The following PANK1 variants were observed in gnomAD, a reference collection of about 807,000 sequenced individuals.
PANK1 encodes pantothenic acid kinase 1.
PANK1 carries 18 observed loss-of-function variants against 40.1 expected under a neutral mutation model. That is an observed-to-expected ratio of 0.45 (90% CI 0.31 to 0.67). The LOEUF (loss-of-function observed/expected upper bound fraction) is 0.67, where lower values mean the gene tolerates loss of function less well. PANK1 is among the 30% of genes least tolerant of loss of function. The probability of loss-of-function intolerance (pLI) is 0.06; values close to 1 mark genes in which losing one functional copy is unlikely to be tolerated. For missense variants in PANK1, 457 were observed against 599.6 expected (o/e 0.76, Z 2.48); for synonymous variants, 242 against 237.7 (o/e 1.02, Z -0.17).
At chr10:89,622,662 C>T (rs1299032037) in intron 1 of PANK1, among the ~76,000 whole-genome samples, 1 of 151,880 alleles carries the variant, frequency 6.6e-6, no homozygotes, top group African/African-American at 2.4e-5. Context: ...GGTGAAACCC[C>T]GTCTCTACTA....
chr10:89,636,543 G>A (rs1040957483), intron 1 of PANK1, among the ~76,000 whole-genome samples: 9 of 151,618 alleles, frequency 5.9e-5, no homozygotes, highest in African/African-American at 1.9e-4. Flanking sequence ...CCTCCACCTC[G>A]TGGGTTCAAG....
At position 89,583,330 on chromosome 10, in the gene PANK1, A is replaced by G. The variant is rs1195371116; in HGVS notation, c.*1076T>C. 4 of 152,224 alleles carry G rather than the reference A, an allele frequency of 2.6e-5. No individual in the cohort carries two copies. Among genetic ancestry groups the G allele is most frequent in the Non-Finnish European group, 5.9e-5 (4 of 68,022 alleles). 9.4% of individuals were successfully genotyped at this position (152,224 alleles called of 1,614,324 possible). A position where few individuals can be genotyped will look rare whatever the true frequency, so the allele number is the denominator to read the frequency against. ...ATTGAAGTACAGTTTTTAGTTTAAAATATTAAAAATGAAAAAACCTTTAAC... is the reference window on the plus strand; with the variant it reads ...ATTGAAGTACAGTTTTTAGTTTAAAGTATTAAAAATGAAAAAACCTTTAAC... On this transcript the variant is annotated 3_prime_UTR_variant, in exon 7 of 7. Coordinates refer to ENST00000307534, the MANE Select transcript of PANK1 (RefSeq NM_148977.3).
chr10:89,590,316 C>T (rs1362900763), intron 5 of PANK1, among the ~76,000 whole-genome samples: 1 of 151,688 alleles, frequency 6.6e-6, no homozygotes, highest in Non-Finnish European at 1.5e-5. Context: ...GTCCAACAAC[C>T]CAATAGAGTA....
intron 3 of PANK1, among the ~76,000 whole-genome samples, chr10:89,594,439 T>G (rs1310191570): frequency 6.6e-6 from 1 of 152,236 alleles, no homozygotes; most frequent in Non-Finnish European, 1.5e-5. Flanking sequence ...ACATAAAGCA[T>G]AGTTCAAAGC....
rs1257811799 is a variant in PANK1, at chr10:89,645,154, G to A, written c.-263C>T. ...CCCGGGCGCGGAATCGGGGATCCCC[G>A]CGCACCCCCAGCCGGGGCTCCCGCC... On this transcript the variant is annotated 5_prime_UTR_variant, in exon 1 of 7. Transcript: ENST00000307534. The A allele has an allele frequency of 1.3e-6, 2 of 1,528,002 alleles. No homozygotes were observed. The highest frequency in any genetic ancestry group is 2.1e-5 in the Admixed American group (1 of 47,494). The allele number at this position is 1,528,002 out of a possible 1,614,324, so 94.7% of individuals were successfully genotyped here.
At chr10:89,635,535 T>C (rs1162743705) in intron 1 of PANK1, among the ~76,000 whole-genome samples, 1 of 152,172 alleles carries the variant, frequency 6.6e-6, no homozygotes, top group Non-Finnish European at 1.5e-5. Context: ...CAACACGTGC[T>C]TTCTGGGGGA....
intron 1 of PANK1, among the ~76,000 whole-genome samples, chr10:89,632,728 T>C (rs1315055055): frequency 6.6e-6 from 1 of 152,226 alleles, no homozygotes; most frequent in African/African-American, 2.4e-5. Flanking sequence ...CTGCTTGGTC[T>C]ACCTGCTGGG....
intron 6 of PANK1, among the ~76,000 whole-genome samples, chr10:89,588,297 C>T (rs543305789): frequency 1.3e-5 from 2 of 152,166 alleles, no homozygotes; most frequent in African/African-American, 2.4e-5. Context: ...GGCATCTCTT[C>T]GACATACTGA....
chr10:89,637,186 G>A (rs1444530701), intron 1 of PANK1, among the ~76,000 whole-genome samples: 1 of 151,946 alleles, frequency 6.6e-6, no homozygotes, highest in Admixed American at 6.6e-5. Context: ...CCACAGGTGG[G>A]GTGAGCAAGA....
chr10:89,635,671 T>C (rs1359624), intron 1 of PANK1, among the ~76,000 whole-genome samples: 48,420 of 152,128 alleles, frequency 0.32, 8,321 homozygotes, highest in East Asian at 0.73. Flanking sequence ...AGAAGTTCAA[T>C]GTACACAGTC....
chr10:89,612,721 A>C (rs1272961422), intron 1 of PANK1, among the ~76,000 whole-genome samples: 1 of 152,274 alleles, frequency 6.6e-6, no homozygotes, highest in Non-Finnish European at 1.5e-5. Flanking sequence ...TTATTTCTGC[A>C]TTAAACAGAG....
intron 2 of PANK1, among the ~76,000 whole-genome samples, chr10:89,601,309 TA>T (rs11317815): frequency 0.34 from 18,057 of 52,490 alleles, 2,208 homozygotes; most frequent in East Asian, 0.4. Context: ...ACCCATCTCT[TA>T]AAAAAAAAAA....
chr10:89,640,665 G>T (rs1320616258), intron 1 of PANK1, among the ~76,000 whole-genome samples: 1 of 152,084 alleles, frequency 6.6e-6, no homozygotes, highest in Non-Finnish European at 1.5e-5. Context: ...CATGATAATT[G>T]GCTCATACTT....
At chr10:89,586,036 C>T (rs777058946) in intron 6 of PANK1, among the ~76,000 whole-genome samples, 1 of 152,188 alleles carries the variant, frequency 6.6e-6, no homozygotes, top group Non-Finnish European at 1.5e-5. Context: ...ATATAGGCGA[C>T]TACATTTTTA....
chr10:89,585,865 C>G (rs920923626), intron 6 of PANK1, among the ~76,000 whole-genome samples: 1 of 152,122 alleles, frequency 6.6e-6, no homozygotes, highest in South Asian at 2.1e-4. Context: ...TAGTAAGGCC[C>G]GCGTAAGCCA....
At chr10:89,630,210 G>C (rs764587173) in intron 1 of PANK1, among the ~76,000 whole-genome samples, 1 of 152,166 alleles carries the variant, frequency 6.6e-6, no homozygotes, top group Non-Finnish European at 1.5e-5. Context: ...TAAGACTTTA[G>C]AGCTACAAAC....
chr10:89,642,607 CCTAATTCCTCTTAGAGTAA>C (rs1486760664), intron 1 of PANK1, among the ~76,000 whole-genome samples: 18 of 152,146 alleles, frequency 1.2e-4, no homozygotes, highest in Non-Finnish European at 1.0e-4. Context: ...TCTTAGAGTA[CCTAATTCCTCTTAGAGTAA>C]CTAAATATCA....
At chr10:89,599,012 G>A (rs1844694669) in intron 3 of PANK1, 2 of 441,360 alleles carry the variant, frequency 4.5e-6, no homozygotes, top group Non-Finnish European at 8.0e-6. Context: ...AATTTCTGGT[G>A]TGTGCGATCC....
intron 1 of PANK1, among the ~76,000 whole-genome samples, chr10:89,634,886 C>T (rs759762464): frequency 3.3e-5 from 5 of 152,178 alleles, no homozygotes; most frequent in African/African-American, 4.8e-5. Context: ...CAGGTCAAGA[C>T]TTATGACACA....
Sources: gnomAD v4.1 joint callset for allele counts (sites outside exome capture counted in the v4.1 genomes callset) on GRCh38, gnomAD v4.1.1 for gene constraint, MANE v1.5 for transcripts, NCBI Gene and HGNC (gene_info 2026-07-23, HGNC 2026-07-21) for gene names.